The following ZNF503 variants were observed in gnomAD, a reference collection of about 807,000 sequenced individuals.
The protein encoded by ZNF503 is NocA-like zinc finger 2.
A neutral mutation model predicts 34.4 loss-of-function variants in ZNF503; 15 were observed. That is an observed-to-expected ratio of 0.44 (90% CI 0.29 to 0.67). The LOEUF is 0.67. Ranked by LOEUF, ZNF503 falls within the 30% of genes least tolerant of loss-of-function variation. ZNF503 has a pLI of 0.13. For synonymous variants in ZNF503, 580 were observed against 456.8 expected (o/e 1.27, Z -3.44); for missense variants, 1,007 against 926.8 (o/e 1.09, Z -1.12).
At chr10:75,400,744 G>A (rs1234968460) in intron 1 of ZNF503, among the ~76,000 whole-genome samples, 2 of 152,208 alleles carry the variant, frequency 1.3e-5, no homozygotes, top group African/African-American at 4.8e-5. Flanking sequence ...GGCGGCTGGC[G>A]CCTCAGAGGC....
chr10:75,324,338 T>TG, the ZNF503 span, among the ~76,000 whole-genome samples: 1 of 151,872 alleles, frequency 6.6e-6, no homozygotes, highest in African/African-American at 2.4e-5. Context: ...GTTTTTTTTT[T>TG]GAGACAGGGT....
the ZNF503 span, among the ~76,000 whole-genome samples, chr10:75,380,885 G>A: frequency 6.6e-6 from 1 of 152,144 alleles, no homozygotes; most frequent in African/African-American, 2.4e-5. Flanking sequence ...CCACTAAAAA[G>A]AACCCATCAT....
the ZNF503 span, among the ~76,000 whole-genome samples, chr10:75,360,018 C>T: frequency 6.6e-6 from 1 of 151,808 alleles, no homozygotes; most frequent in Non-Finnish European, 1.5e-5. Context: ...TGTCTCCCTT[C>T]AGCTAGTCTG....
At chr10:75,362,538 T>G in the ZNF503 span, among the ~76,000 whole-genome samples, 4,746 of 152,246 alleles carry the variant, frequency 0.031, 213 homozygotes, top group African/African-American at 0.099. Context: ...CAGGCAGCTC[T>G]TCTCAGATAA....
At chr10:75,337,204 G>A in the ZNF503 span, among the ~76,000 whole-genome samples, 1 of 151,848 alleles carries the variant, frequency 6.6e-6, no homozygotes, top group Non-Finnish European at 1.5e-5. Flanking sequence ...CGTGCCTGTA[G>A]TCCCAGCTAC....
At chr10:75,295,603 T>C in the ZNF503 span, 5 of 152,228 alleles carry the variant, frequency 3.3e-5, no homozygotes, top group Non-Finnish European at 7.3e-5. This position sits in a 1 kb window ranked among gnomAD's most constrained non-coding sequence, Gnocchi z 4.0. Flanking sequence ...ACCCCACTCC[T>C]TAGACCTAAT....
At chr10:75,281,793 C>T in the ZNF503 span, among the ~76,000 whole-genome samples, 1 of 152,226 alleles carries the variant, frequency 6.6e-6, no homozygotes, top group Admixed American at 6.5e-5. Context: ...CACATAGATC[C>T]ATAGACCCGG....
chr10:75,342,657 C>T, the ZNF503 span, among the ~76,000 whole-genome samples: 8 of 117,532 alleles, frequency 6.8e-5, no homozygotes, highest in South Asian at 1.4e-3. Context: ...CAGTGCCTCC[C>T]GGTGGTGGGG....
the ZNF503 span, among the ~76,000 whole-genome samples, chr10:75,372,356 C>G: frequency 6.6e-6 from 1 of 152,188 alleles, no homozygotes; most frequent in Non-Finnish European, 1.5e-5. Flanking sequence ...ATGATGTGGT[C>G]CAGAGAGGGA....
At chr10:75,333,388 G>A in the ZNF503 span, among the ~76,000 whole-genome samples, 2 of 49,430 alleles carry the variant, frequency 4.0e-5, no homozygotes, top group African/African-American at 1.9e-4. Flanking sequence ...CTCCCGGACG[G>A]GGCGGCTGGC....
At chr10:75,298,295 T>G in the ZNF503 span, among the ~76,000 whole-genome samples, 14 of 152,216 alleles carry the variant, frequency 9.2e-5, no homozygotes, top group Non-Finnish European at 1.8e-4. Flanking sequence ...CCCTATTTAA[T>G]TCGAGAACAT....
downstream of ZNF503, among the ~76,000 whole-genome samples, chr10:75,395,467 G>C (rs374425645): frequency 4.9e-4 from 74 of 152,210 alleles, no homozygotes; most frequent in African/African-American, 1.7e-3. The surrounding 1 kb of genome is among the most constrained non-coding windows in gnomAD (Gnocchi z 4.4). Flanking sequence ...ACTCCTTCCT[G>C]CTCCGCCGGG....
chr10:75,327,337 A>G, the ZNF503 span, among the ~76,000 whole-genome samples: 1 of 151,512 alleles, frequency 6.6e-6, no homozygotes, highest in Non-Finnish European at 1.5e-5. Flanking sequence ...TTTACAAATG[A>G]GTGAAAACAT....
At position 75,401,515 on chromosome 10, in the gene ZNF503, G is replaced by C. The variant is rs1297928562; in HGVS notation, c.-96C>G. ...CGCTCGCCCCGGGAGCAGGAGCAGC[G>C]GGAGGAGGAGGAGCTGGCGCGGCGG... On this transcript the variant is annotated 5_prime_UTR_variant, in exon 1 of 2. Transcript: ENST00000372524. The C allele has an allele frequency of 7.1e-7, 1 of 1,413,268 alleles. No individual in the cohort carries two copies. Among genetic ancestry groups the C allele is most frequent in the Non-Finnish European group, 9.4e-7 (1 of 1,064,718 alleles). The allele number at this position is 1,413,268 out of a possible 1,614,324, so 87.5% of individuals were successfully genotyped here. A position where few individuals can be genotyped will look rare whatever the true frequency, so the allele number is the denominator to read the frequency against.
At chr10:75,318,668 C>CAAAAA in the ZNF503 span, among the ~76,000 whole-genome samples, 14 of 117,328 alleles carry the variant, frequency 1.2e-4, no homozygotes, top group African/African-American at 3.9e-4. Context: ...GATCCTGTCT[C>CAAAAA]AAAAAAAAAA....
downstream of ZNF503, among the ~76,000 whole-genome samples, chr10:75,397,415 G>A (rs1399640573): frequency 3.9e-5 from 6 of 152,002 alleles, no homozygotes; most frequent in East Asian, 1.9e-4. Flanking sequence ...CCACGTCCCC[G>A]AGGCCCCGGC....
At chr10:75,280,758 T>C in the ZNF503 span, among the ~76,000 whole-genome samples, 2 of 152,064 alleles carry the variant, frequency 1.3e-5, no homozygotes, top group Non-Finnish European at 2.9e-5. Flanking sequence ...CTATGAGAAA[T>C]AAGCATTTGT....
the ZNF503 span, among the ~76,000 whole-genome samples, chr10:75,375,407 C>G: frequency 2.0e-5 from 3 of 152,326 alleles, no homozygotes; most frequent in East Asian, 5.8e-4. Flanking sequence ...CAGGCATGAG[C>G]TACCGTACCC....
Position 75,399,116 on chromosome 10 carries a change from C to T in ZNF503, c.1574G>A (p.Cys525Tyr). 1 of 1,613,698 alleles carries T rather than the reference C, an allele frequency of 6.2e-7. No homozygotes were observed. The highest frequency in any genetic ancestry group is 8.5e-7 in the Non-Finnish European group (1 of 1,179,806). The part of the protein sequence containing the change: ...ICNWVSANGP[C>Y]DKRFATSEEL... ...TTCGGACGTGGCGAAGCGCTTGTCGCACGGCCCGTTGGCCGACACCCAGTT... is the reference window on the plus strand; with the variant it reads ...TTCGGACGTGGCGAAGCGCTTGTCGTACGGCCCGTTGGCCGACACCCAGTT... Residue 525 changes from cysteine (C) to tyrosine (Y), a missense_variant, in exon 2 of 2, where the codon TGC becomes TAC. Physicochemically the swap from Cys to Tyr is radical, Grantham distance 194. Coordinates refer to ENST00000372524, the MANE Select transcript of ZNF503 (RefSeq NM_032772.6).
Sources: gnomAD v4.1 joint callset for allele counts (sites outside exome capture counted in the v4.1 genomes callset) on GRCh38, gnomAD v4.1.1 for gene constraint, Gnocchi (gnomAD v3.1) non-coding constraint, MANE v1.5 for transcripts, NCBI Gene and HGNC (gene_info 2026-07-23, HGNC 2026-07-21) for gene names.